Variants in NPSR1 observed in about 807,000 individuals in gnomAD.
NPSR1 encodes the protein neuropeptide S receptor.
In NPSR1, 48 loss-of-function variants were observed where a neutral mutation model predicts 46.9. The observed-to-expected ratio is 1.02, with a 90% CI of 0.81 to 1.30. The LOEUF (loss-of-function observed/expected upper bound fraction) is 1.30, where lower values mean the gene tolerates loss of function less well. NPSR1 is among the 50% of genes most tolerant of loss of function. The pLI is 0.00. For synonymous variants in NPSR1, 176 were observed against 168.1 expected, an observed-to-expected ratio of 1.05 and a Z score of -0.36; for missense variants, 450 against 449.5, an observed-to-expected ratio of 1.00 and a Z score of -0.01.
chr7:34,847,656 T>G (rs1360099744), intron 7 of NPSR1, among the ~76,000 whole-genome samples: 2 of 152,202 alleles, frequency 1.3e-5, no homozygotes, highest in Admixed American at 1.3e-4. Flanking sequence ...CTTCTCTTAC[T>G]TAACCTTTTT....
chr7:34,764,616 A>G (rs1473640451), intron 2 of NPSR1, among the ~76,000 whole-genome samples: 2 of 152,194 alleles, frequency 1.3e-5, no homozygotes, highest in Non-Finnish European at 1.5e-5. Context: ...TCCCCAAACA[A>G]AAAACTTAAG....
intron 2 of NPSR1, among the ~76,000 whole-genome samples, chr7:34,740,982 C>T (rs1784912718): frequency 6.6e-6 from 1 of 152,196 alleles, no homozygotes; most frequent in South Asian, 2.1e-4. Context: ...GATTATTTTT[C>T]TTTCAGCACC....
intron 2 of NPSR1, among the ~76,000 whole-genome samples, chr7:34,760,200 C>T (rs1303249716): frequency 6.6e-6 from 1 of 152,176 alleles, no homozygotes; most frequent in Non-Finnish European, 1.5e-5. Flanking sequence ...ATTATTCTAG[C>T]AAGTTGGCAA....
intron 5 of NPSR1, among the ~76,000 whole-genome samples, chr7:34,830,144 C>A (rs1293435662): frequency 6.6e-6 from 1 of 152,250 alleles, no homozygotes; most frequent in Non-Finnish European, 1.5e-5. Flanking sequence ...GGCATAGGTG[C>A]TACAATTTCA....
intron 1 of NPSR1, among the ~76,000 whole-genome samples, chr7:34,671,309 C>A (rs1483172945): frequency 6.6e-6 from 1 of 152,062 alleles, no homozygotes; most frequent in Admixed American, 6.6e-5. Flanking sequence ...TTTATTTTAT[C>A]TTTGTGTAAA....
In NPSR1 at chr7:34,802,482, A is replaced by T. The variant is rs926581056; in HGVS notation, c.385-9288A>T. ...CAATGGGGAAAGGATTCCCTATTTA[A>T]TAAACGGTGCTGGGAAAACTGGATA... is the stretch of plus-strand genomic sequence containing the variant. On this transcript the variant is annotated intron_variant, in intron 3 of 8. Coordinates refer to ENST00000360581, the MANE Select transcript of NPSR1 (RefSeq NM_207172.2). Among the ~76,000 whole-genome samples, 3 of 150,468 alleles carry T rather than the reference A, an allele frequency of 2.0e-5. 1 individual carries two copies. The highest frequency in any genetic ancestry group is 7.5e-5 in the African/African-American group (3 of 39,784).
chr7:34,680,964 G>A (rs1792600472), intron 1 of NPSR1, among the ~76,000 whole-genome samples: 1 of 150,918 alleles, frequency 6.6e-6, no homozygotes, highest in Non-Finnish European at 1.5e-5. Flanking sequence ...TAATGATGTT[G>A]GTAATAATTA....
At chr7:34,686,380 T>C (rs190812884) in intron 2 of NPSR1, among the ~76,000 whole-genome samples, 120 of 152,302 alleles carry the variant, frequency 7.9e-4, no homozygotes, top group African/African-American at 2.7e-3. Context: ...ATTGAATTTA[T>C]ATATTATTGA....
chr7:34,807,588 C>T (rs887450735), intron 3 of NPSR1, among the ~76,000 whole-genome samples: 6 of 151,984 alleles, frequency 3.9e-5, no homozygotes, highest in African/African-American at 1.5e-4. Flanking sequence ...TCTTGATATA[C>T]CTTTGGCCAT....
intron 1 of NPSR1, among the ~76,000 whole-genome samples, chr7:34,671,736 C>A (rs143577708): frequency 6.6e-6 from 1 of 152,280 alleles, no homozygotes; most frequent in East Asian, 1.9e-4. Flanking sequence ...TCTCATGCCC[C>A]CTCCCCTACT....
intron 5 of NPSR1, among the ~76,000 whole-genome samples, chr7:34,829,152 C>G (rs541822164): frequency 1.3e-5 from 2 of 152,066 alleles, no homozygotes; most frequent in African/African-American, 4.8e-5. Context: ...ATGGTCAAAC[C>G]CCTGAATTTT....
intron 3 of NPSR1, among the ~76,000 whole-genome samples, chr7:34,790,746 A>ATATAAT (rs1787723142): frequency 9.6e-6 from 1 of 104,646 alleles, no homozygotes; most frequent in African/African-American, 4.1e-5. Flanking sequence ...TGTTATATAT[A>ATATAAT]ATATATGTTA....
At chr7:34,818,878 G>A (rs1161270029) in intron 4 of NPSR1, among the ~76,000 whole-genome samples, 1 of 152,320 alleles carries the variant, frequency 6.6e-6, no homozygotes, top group African/African-American at 2.4e-5. Flanking sequence ...GGAGAAAGCT[G>A]ACACTGGATC....
intron 8 of NPSR1, among the ~76,000 whole-genome samples, chr7:34,871,051 G>A (rs968827283): frequency 2.6e-5 from 4 of 151,762 alleles, no homozygotes; most frequent in African/African-American, 9.7e-5. Context: ...GGCCATTCTT[G>A]CATTGATATA....
intron 1 of NPSR1, among the ~76,000 whole-genome samples, chr7:34,665,589 C>A (rs1791702738): frequency 6.6e-6 from 1 of 152,180 alleles, no homozygotes; most frequent in African/African-American, 2.4e-5. Flanking sequence ...TCTGAGGATA[C>A]AGGGTCCTGT....
At chr7:34,705,330 G>T (rs1794047055) in intron 2 of NPSR1, among the ~76,000 whole-genome samples, 3 of 151,882 alleles carry the variant, frequency 2.0e-5, no homozygotes, top group Admixed American at 2.0e-4. Context: ...AGGAGGCTGA[G>T]GTGGGAGGAT....
At position 34,767,720 on chromosome 7, in the gene NPSR1, T is replaced by C. The variant is rs117284681; in HGVS notation, c.281-10742T>C. 9.6e-4 allele frequency among the ~76,000 whole-genome samples: 146 copies of C among 152,230 alleles called. 1 individual carries two copies. The East Asian group carries it at 0.025, about 26-fold the overall frequency. On this transcript the variant is annotated intron_variant, in intron 2 of 8. Transcript: ENST00000360581. Reference sequence around the variant, plus strand: ...AGAAATCTCTGAATGATAGCTGGAATTCTCCAAAAATAATGAAAGCATCAA... The same window carrying C: ...AGAAATCTCTGAATGATAGCTGGAACTCTCCAAAAATAATGAAAGCATCAA...
Position 34,824,883 on chromosome 7 carries a change from A to AC in NPSR1, c.479-2513dup, listed in dbSNP as rs34929136. Reference sequence around the variant, plus strand: ...CTTCACACCCCCACCATCAAGAAGAACCCCCTCCAGTCCTATTACCTGCCC... The same window carrying AC: ...CTTCACACCCCCACCATCAAGAAGAACCCCCCTCCAGTCCTATTACCTGCCC... On this transcript the variant is annotated intron_variant, in intron 4 of 8. Coordinates refer to ENST00000360581, the MANE Select transcript of NPSR1 (RefSeq NM_207172.2). 2.7e-5 allele frequency among the ~76,000 whole-genome samples: 4 copies of AC among 150,688 alleles called. No homozygotes were observed. In the East Asian group the frequency reaches 5.9e-4, roughly 22 times the overall value.
chr7:34,808,258 C>G (rs1255831687), intron 3 of NPSR1, among the ~76,000 whole-genome samples: 1 of 152,102 alleles, frequency 6.6e-6, no homozygotes, highest in Non-Finnish European at 1.5e-5. Flanking sequence ...CTTCTGGTCT[C>G]CAGAGCTGTG....
Sources: allele counts gnomAD v4.1 joint callset (sites outside exome capture counted in the v4.1 genomes callset), GRCh38; gene constraint gnomAD v4.1.1; transcripts MANE v1.5; gene names NCBI Gene and HGNC (gene_info 2026-07-23, HGNC 2026-07-21).